The following PROS1 variants were observed in gnomAD, a reference collection of about 807,000 sequenced individuals.
The protein encoded by PROS1 is vitamin K-dependent protein S.
A neutral mutation model predicts 75.9 loss-of-function variants in PROS1; 29 were observed. That is an observed-to-expected ratio of 0.38 (90% CI 0.28 to 0.52). PROS1 has a LOEUF of 0.52. Ranked by LOEUF, PROS1 falls within the 20% of genes least tolerant of loss-of-function variation. PROS1 has a pLI of 0.83. For synonymous variants in PROS1, 245 were observed against 280.6 expected (o/e 0.87, Z 1.27); for missense variants, 680 against 810.3 (o/e 0.84, Z 1.95).
intron 3 of PROS1, among the ~76,000 whole-genome samples, chr3:93,921,321 C>A (rs1022476894): frequency 6.6e-6 from 1 of 152,144 alleles, no homozygotes; most frequent in Non-Finnish European, 1.5e-5. Flanking sequence ...TGCTATTTTT[C>A]TTTTCTTTTA....
intron 1 of PROS1, among the ~76,000 whole-genome samples, chr3:93,934,372 C>T (rs116482786): frequency 1.1e-3 from 169 of 152,114 alleles, no homozygotes; most frequent in Admixed American, 3.7e-3. Context: ...GTGAAGGTTG[C>T]CAGGATTAAG....
At chr3:93,969,122 CTTT>C (rs773990991) in intron 1 of PROS1, among the ~76,000 whole-genome samples, 106 of 114,340 alleles carry the variant, frequency 9.3e-4, no homozygotes, top group African/African-American at 3.2e-3. Context: ...CTTTTGTTTT[CTTT>C]TTTTTTTTTT....
chr3:93,883,340 C>CT (rs1169668737), intron 12 of PROS1, among the ~76,000 whole-genome samples: 1 of 152,186 alleles, frequency 6.6e-6, no homozygotes, highest in Non-Finnish European at 1.5e-5. Context: ...TGGCTCAAGC[C>CT]TGTAATCCCA....
intron 10 of PROS1, 98 bp from the exon 11 acceptor site, chr3:93,886,601 C>T: frequency 1.1e-6 from 1 of 919,876 alleles, no homozygotes; most frequent in Non-Finnish European, 1.7e-6. Context: ...CAATAAAATA[C>T]TTCTGTAAAG....
rs1708238553 is a variant in PROS1, at chr3:93,879,154, T to G, written c.1644+9A>C. On this transcript the variant is annotated intron_variant, in intron 13 of 14. Transcript: ENST00000394236. The stretch of plus-strand genomic sequence containing the variant: ...AAACAAGGCTTATATAGGTTTAGAG[T>G]TAAGTTACCTGTGATTTTTCAGAGG... 5.0e-6 allele frequency: 8 copies of G among 1,613,106 alleles called. No individual in the cohort carries two copies. The highest frequency in any genetic ancestry group is 1.3e-5 in the African/African-American group (1 of 75,008).
intron 2 of PROS1, among the ~76,000 whole-genome samples, chr3:93,925,551 G>A (rs1264181840): frequency 6.6e-6 from 1 of 152,034 alleles, no homozygotes; most frequent in Non-Finnish European, 1.5e-5. Flanking sequence ...TGGTGGGGGT[G>A]GGGCAGAGGG....
At chr3:93,923,457 A>G (rs1267099706) in intron 3 of PROS1, among the ~76,000 whole-genome samples, 1 of 152,196 alleles carries the variant, frequency 6.6e-6, no homozygotes, top group Admixed American at 6.5e-5. Context: ...TTATTATAAA[A>G]TATTTACATT....
intron 3 of PROS1, among the ~76,000 whole-genome samples, chr3:93,921,691 G>C (rs185374413): frequency 6.6e-6 from 1 of 152,174 alleles, no homozygotes; most frequent in South Asian, 2.1e-4. Flanking sequence ...AATATTTTAT[G>C]ATAATATTTT....
At chr3:93,909,573 C>CT (rs1159288050) in intron 4 of PROS1, among the ~76,000 whole-genome samples, 19 of 152,024 alleles carry the variant, frequency 1.2e-4, no homozygotes, top group Admixed American at 1.2e-3. Flanking sequence ...TCTGTCCCCT[C>CT]TTTAGACACT....
At chr3:93,973,601 A>G (rs1709915073) in intron 1 of PROS1, 73 bp downstream of exon 1, 2 of 1,517,402 alleles carry the variant, frequency 1.3e-6, no homozygotes. Context: ...AGAGAAGAAA[A>G]TCCTACCAAC....
chr3:93,884,951 G>A (rs1011197105), intron 11 of PROS1, 55 bp from the exon 12 acceptor site: 54 of 1,433,120 alleles, frequency 3.8e-5, no homozygotes, highest in Middle Eastern at 1.9e-4. Context: ...ACAGTGGCTC[G>A]ATTATGAGTA....
intron 6 of PROS1, among the ~76,000 whole-genome samples, chr3:93,904,495 C>T (rs1248528750): frequency 2.6e-5 from 4 of 152,060 alleles, no homozygotes; most frequent in African/African-American, 9.7e-5. Flanking sequence ...TTTTATCATA[C>T]TAAACACTGC....
chr3:93,920,428 T>G (rs1576194882), intron 3 of PROS1, among the ~76,000 whole-genome samples: 1 of 152,282 alleles, frequency 6.6e-6, no homozygotes, highest in African/African-American at 2.4e-5. Flanking sequence ...TGTTATGGGA[T>G]TTGCTGCTAT....
chr3:93,960,979 G>A (rs75760063), intron 1 of PROS1, among the ~76,000 whole-genome samples: 2 of 150,454 alleles, frequency 1.3e-5, no homozygotes, highest in Non-Finnish European at 3.0e-5. Context: ...TTAGAGACTA[G>A]CTATTGAGAA....
At chr3:93,925,721 G>A (rs1709006324) in intron 2 of PROS1, among the ~76,000 whole-genome samples, 3 of 151,478 alleles carry the variant, frequency 2.0e-5, no homozygotes, top group Admixed American at 2.0e-4. Context: ...CGACACAGGA[G>A]GCTGAGACGG....
rs374415471 is a variant in PROS1, at chr3:93,937,247, G to A, written c.77-9840C>T. Among the ~76,000 whole-genome samples, 56 of 152,292 alleles carry A rather than the reference G, an allele frequency of 3.7e-4. No individual in the cohort carries two copies. The South Asian group carries it at 9.3e-3, about 25-fold the overall frequency. Reference sequence around the variant, plus strand: ...ATTGATTTGAGCAAGCAGGCAGTACGTGACAGGGGCTGCATGCACCAGTGG... The same window carrying A: ...ATTGATTTGAGCAAGCAGGCAGTACATGACAGGGGCTGCATGCACCAGTGG... On this transcript the variant is annotated intron_variant, in intron 1 of 14. Coordinates refer to ENST00000394236, the MANE Select transcript of PROS1 (RefSeq NM_000313.4).
chr3:93,903,401 T>C (rs1708626843), intron 6 of PROS1, among the ~76,000 whole-genome samples: 2 of 152,176 alleles, frequency 1.3e-5, no homozygotes, highest in South Asian at 2.1e-4. Flanking sequence ...TGGTGGCTCA[T>C]GCCTGTAATC....
intron 3 of PROS1, among the ~76,000 whole-genome samples, chr3:93,918,261 G>A (rs765628458): frequency 6.6e-6 from 1 of 152,018 alleles, no homozygotes; most frequent in Non-Finnish European, 1.5e-5. Context: ...GATTGTAAAC[G>A]CACCAATCAG....
At chr3:93,953,037 T>A (rs1256126242) in intron 1 of PROS1, among the ~76,000 whole-genome samples, 1 of 152,172 alleles carries the variant, frequency 6.6e-6, no homozygotes, top group African/African-American at 2.4e-5. Flanking sequence ...AGGAAGAAGT[T>A]GAATCCCTTA....
Sources: gnomAD v4.1 joint callset for allele counts (sites outside exome capture counted in the v4.1 genomes callset) on GRCh38, gnomAD v4.1.1 for gene constraint, MANE v1.5 for transcripts, NCBI Gene and HGNC (gene_info 2026-07-23, HGNC 2026-07-21) for gene names.